The following BCO1 variants were observed in gnomAD, a reference collection of about 807,000 sequenced individuals.
BCO1 encodes the protein beta-carotene oxygenase 1.
A neutral mutation model predicts 56.3 loss-of-function variants in BCO1; 54 were observed. That is an observed-to-expected ratio of 0.96 (90% CI 0.77 to 1.20). The LOEUF is 1.20. BCO1 is among the 50% of genes most tolerant of loss of function. The pLI, the probability that BCO1 is intolerant of heterozygous loss-of-function variation, is 0.00. For synonymous variants in BCO1, 318 were observed against 266.1 expected, an observed-to-expected ratio of 1.20 and a Z score of -1.90; for missense variants, 801 against 690.9, an observed-to-expected ratio of 1.16 and a Z score of -1.79.
chr16:81,250,979 C>A (rs1905760978), intron 2 of BCO1, among the ~76,000 whole-genome samples: 1 of 152,144 alleles, frequency 6.6e-6, no homozygotes, highest in Non-Finnish European at 1.5e-5. Flanking sequence ...CCCAGGTGAC[C>A]CCGAGCCCTC....
At chr16:81,252,675 G>T (rs1273838192) in intron 2 of BCO1, among the ~76,000 whole-genome samples, 1 of 152,234 alleles carries the variant, frequency 6.6e-6, no homozygotes, top group African/African-American at 2.4e-5. Flanking sequence ...GGGGAGATCA[G>T]GGTGGCCTTA....
chr16:81,284,624 T>C (rs1364450142), intron 8 of BCO1, among the ~76,000 whole-genome samples: 1 of 152,010 alleles, frequency 6.6e-6, no homozygotes, highest in Admixed American at 6.6e-5. Flanking sequence ...TGACACCCTT[T>C]TCCACAGCTT....
intron 7 of BCO1, among the ~76,000 whole-genome samples, chr16:81,276,464 C>A (rs1907563390): frequency 6.6e-6 from 1 of 152,222 alleles, no homozygotes; most frequent in African/African-American, 2.4e-5. Flanking sequence ...CTGCCACAGG[C>A]CCATGAGGTG....
At chr16:81,257,790 GA>G (rs532842719) in intron 2 of BCO1, among the ~76,000 whole-genome samples, 193 of 150,562 alleles carry the variant, frequency 1.3e-3, no homozygotes, top group African/African-American at 4.6e-3. Flanking sequence ...TGAGGCAGGA[GA>G]ATCTTTTGAA....
At position 81,264,709 on chromosome 16, in the gene BCO1, G is replaced by C. The variant is rs776579175; in HGVS notation, c.541G>C (p.Val181Leu). ...SHPHYDEAGN[V>L]LNMGTSIVEK... Reference sequence around the variant, plus strand: ...TCCCCATTATGATGAGGCTGGAAATGTTCTAAACATGGGCACATCCATTGT... The same window carrying C: ...TCCCCATTATGATGAGGCTGGAAATCTTCTAAACATGGGCACATCCATTGT... Residue 181 changes from valine to leucine, a missense_variant, in exon 5 of 11, where the codon GTT becomes CTT. By Grantham distance (32) the Val-to-Leu change is conservative (BLOSUM62 1). Transcript: ENST00000258168. The C allele has an allele frequency of 6.2e-7, 1 of 1,614,174 alleles. No homozygotes were observed. Among genetic ancestry groups the C allele is most frequent in the Non-Finnish European group, 8.5e-7 (1 of 1,180,012 alleles).
intron 3 of BCO1, chr16:81,261,919 T>C (rs1334924961): frequency 2.1e-6 from 1 of 476,996 alleles, no homozygotes; most frequent in African/African-American, 2.0e-5. Context: ...TTTTTTGTAT[T>C]TTTTAGTACA....
chr16:81,254,581 G>A (rs1277314652), intron 2 of BCO1, among the ~76,000 whole-genome samples: 1 of 151,762 alleles, frequency 6.6e-6, no homozygotes, highest in East Asian at 1.9e-4. Flanking sequence ...CTTATAATTA[G>A]TGTTACTATT....
chr16:81,270,431 G>C lies in BCO1; in HGVS notation c.1101+15G>C. Reference sequence around the variant, plus strand: ...ACGTGGACAAGGTAATGGCTTCCAAGGAGGTCCCTTTTCTTTCTAGAGAGA... The same window carrying C: ...ACGTGGACAAGGTAATGGCTTCCAACGAGGTCCCTTTTCTTTCTAGAGAGA... On this transcript the variant is annotated intron_variant, in intron 7 of 10. Transcript: ENST00000258168. 2 of 1,613,906 alleles carry C rather than the reference G, an allele frequency of 1.2e-6. No homozygotes were observed. The highest frequency in any genetic ancestry group is 1.7e-6 in the Non-Finnish European group (2 of 1,179,990).
At chr16:81,274,326 T>C (rs555122072) in intron 7 of BCO1, among the ~76,000 whole-genome samples, 2 of 141,478 alleles carry the variant, frequency 1.4e-5, no homozygotes, top group East Asian at 2.1e-4. Flanking sequence ...TGCAGTGGCG[T>C]GATCTCGGCT....
intron 7 of BCO1, among the ~76,000 whole-genome samples, chr16:81,276,505 G>A (rs1049851773): frequency 1.3e-5 from 2 of 152,228 alleles, no homozygotes; most frequent in African/African-American, 4.8e-5. Context: ...TGGTTGTGCT[G>A]GCTAGGGCAT....
chr16:81,270,419 A>G lies in BCO1; in HGVS notation c.1101+3A>G. 1 of 1,614,014 alleles carries G rather than the reference A, an allele frequency of 6.2e-7. No individual in the cohort carries two copies. The highest frequency in any genetic ancestry group is 8.5e-7 in the Non-Finnish European group (1 of 1,179,994). On this transcript the variant is annotated splice_donor_region_variant and intron_variant, in intron 7 of 10. Transcript: ENST00000258168. ...CCGTGCCCCTCCACGTGGACAAGGT[A>G]ATGGCTTCCAAGGAGGTCCCTTTTC...
At chr16:81,281,060 C>A in intron 8 of BCO1, 98 bp downstream of exon 8, 1 of 866,410 alleles carries the variant, frequency 1.2e-6, no homozygotes, top group Non-Finnish European at 1.9e-6. Context: ...TGTGCATGGA[C>A]AAGGGCCAAA....
At chr16:81,266,471 CA>C in intron 5 of BCO1, among the ~76,000 whole-genome samples, 1 of 152,202 alleles carries the variant, frequency 6.6e-6, no homozygotes, top group South Asian at 2.1e-4. Context: ...CCCCATCCCC[CA>C]CTGTCTTGTA....
In BCO1 at chr16:81,264,629, A is replaced by C. The variant is rs372038083; in HGVS notation, c.472-11A>C. 6.2e-7 allele frequency: 1 copy of C among 1,613,884 alleles called. No homozygotes were observed. Among genetic ancestry groups the C allele is most frequent in the Non-Finnish European group, 8.5e-7 (1 of 1,179,720 alleles). On this transcript the variant is annotated splice_polypyrimidine_tract_variant and intron_variant, in intron 4 of 10. Coordinates refer to ENST00000258168, the MANE Select transcript of BCO1 (RefSeq NM_017429.3). Reference sequence around the variant, plus strand: ...AATACTTTAAAAAACAGGAGGTGTCATATCTTGCAGGTTGATTATCGTAAA... The same window carrying C: ...AATACTTTAAAAAACAGGAGGTGTCCTATCTTGCAGGTTGATTATCGTAAA...
At chr16:81,286,907 C>G (rs8047137) in intron 9 of BCO1, among the ~76,000 whole-genome samples, 36,271 of 151,506 alleles carry the variant, frequency 0.24, 4,565 homozygotes, top group Middle Eastern at 0.34. Context: ...AACCCCGTCT[C>G]TACTAAAAAT....
intron 2 of BCO1, among the ~76,000 whole-genome samples, chr16:81,257,862 AGAGT>A (rs1906241482): frequency 6.7e-6 from 1 of 150,316 alleles, no homozygotes; most frequent in Admixed American, 6.6e-5. Flanking sequence ...CCTGGGTGAC[AGAGT>A]GAGACTCCAT....
At chr16:81,266,323 C>G (rs913590852) in intron 5 of BCO1, among the ~76,000 whole-genome samples, 1 of 152,176 alleles carries the variant, frequency 6.6e-6, no homozygotes, top group Non-Finnish European at 1.5e-5. Flanking sequence ...CCAGGACCCT[C>G]CTGGGAACCA....
chr16:81,243,988 G>C (rs1156629697), intron 1 of BCO1, among the ~76,000 whole-genome samples: 1 of 152,234 alleles, frequency 6.6e-6, no homozygotes, highest in Non-Finnish European at 1.5e-5. Context: ...CCCAACTGAG[G>C]GCAAGGCAAC....
chr16:81,253,270 T>C (rs979856273), intron 2 of BCO1, among the ~76,000 whole-genome samples: 1 of 152,150 alleles, frequency 6.6e-6, no homozygotes, highest in Non-Finnish European at 1.5e-5. Context: ...CCTTGATCAC[T>C]CTGTCTACTG....
Sources: allele counts gnomAD v4.1 joint callset (sites outside exome capture counted in the v4.1 genomes callset), GRCh38; gene constraint gnomAD v4.1.1; transcripts MANE v1.5; gene names NCBI Gene and HGNC (gene_info 2026-07-23, HGNC 2026-07-21).